Variants in RSPH14 observed in about 807,000 individuals in gnomAD.
RSPH14 encodes the protein rhabdoid tumor deletion region gene 1.
In RSPH14, 20 loss-of-function variants were observed where a neutral mutation model predicts 26.7. The observed-to-expected ratio is 0.75, with a 90% CI of 0.53 to 1.09. RSPH14 has a LOEUF of 1.09. Among genes scored for constraint, RSPH14 ranks in the 50% least tolerant of loss-of-function variants. The probability of loss-of-function intolerance (pLI) is 0.00; values close to 1 mark genes in which losing one functional copy is unlikely to be tolerated. For synonymous variants in RSPH14, 177 were observed against 189.3 expected (o/e 0.93, Z 0.53); for missense variants, 449 against 457.2 (o/e 0.98, Z 0.16).
At chr22:23,111,629 G>A (rs1476254377) in intron 4 of RSPH14, among the ~76,000 whole-genome samples, 1 of 152,260 alleles carries the variant, frequency 6.6e-6, no homozygotes, top group African/African-American at 2.4e-5. Flanking sequence ...TTTTACTGAG[G>A]CAGGAGCTGC....
chr22:23,112,309 G>A (rs552840742), intron 4 of RSPH14, among the ~76,000 whole-genome samples: 3 of 152,328 alleles, frequency 2.0e-5, no homozygotes, highest in African/African-American at 4.8e-5. Flanking sequence ...CTTCGGCCCC[G>A]CCCCAAGCAC....
At chr22:23,064,176 C>G (rs1234795111) in intron 4 of RSPH14, 43 bp from the exon 5 acceptor site, 4 of 1,570,436 alleles carry the variant, frequency 2.5e-6, no homozygotes, top group Admixed American at 1.7e-5. Context: ...TGGCCACACA[C>G]CCACCCACCC....
the RSPH14 span, among the ~76,000 whole-genome samples, chr22:23,174,423 TA>T: frequency 6.6e-6 from 1 of 151,764 alleles, no homozygotes; most frequent in East Asian, 1.9e-4. Context: ...TATAAGTAAA[TA>T]AATAAATAAT....
At chr22:23,180,162 G>A in the RSPH14 span, 3 of 238,174 alleles carry the variant, frequency 1.3e-5, no homozygotes, top group Non-Finnish European at 2.5e-5. Flanking sequence ...CACGCGGCTG[G>A]ACTGGCCGGA....
At chr22:23,109,754 A>C (rs964016336) in intron 4 of RSPH14, among the ~76,000 whole-genome samples, 1 of 152,222 alleles carries the variant, frequency 6.6e-6, no homozygotes, top group Non-Finnish European at 1.5e-5. Flanking sequence ...AGAGGAATGG[A>C]AACAGCTGCC....
chr22:23,110,623 C>T (rs2069617631), intron 4 of RSPH14, among the ~76,000 whole-genome samples: 1 of 152,212 alleles, frequency 6.6e-6, no homozygotes, highest in African/African-American at 2.4e-5. Flanking sequence ...GCTGTGTGCC[C>T]CTGTGGGCAC....
intron 4 of RSPH14, among the ~76,000 whole-genome samples, chr22:23,065,980 T>G (rs1243475317): frequency 6.6e-6 from 1 of 152,152 alleles, no homozygotes; most frequent in Non-Finnish European, 1.5e-5. Context: ...CCTGGCCTCC[T>G]GCTCCCGCTC....
upstream of RSPH14, chr22:23,142,100 AG>A (rs1171389444): frequency 1.1e-6 from 1 of 917,404 alleles, no homozygotes; most frequent in African/African-American, 1.8e-5. Flanking sequence ...AAACAGCCCA[AG>A]GCTGCGGCCG....
chr22:23,148,034 C>A (rs932032052), upstream of RSPH14, among the ~76,000 whole-genome samples: 3 of 152,084 alleles, frequency 2.0e-5, no homozygotes, highest in Non-Finnish European at 4.4e-5. Flanking sequence ...CGGACAGGTG[C>A]AGAGGGATAG....
At chr22:23,156,703 T>C in the RSPH14 span, among the ~76,000 whole-genome samples, 1 of 152,238 alleles carries the variant, frequency 6.6e-6, no homozygotes, top group African/African-American at 2.4e-5. Context: ...ACATTTTCTT[T>C]TAGACTTAAA....
intron 4 of RSPH14, among the ~76,000 whole-genome samples, chr22:23,086,715 A>T (rs1164417389): frequency 6.6e-6 from 1 of 152,240 alleles, no homozygotes; most frequent in Non-Finnish European, 1.5e-5. Flanking sequence ...AGGACACTGG[A>T]CCATGACCAG....
chr22:23,091,789 C>A (rs978864660), intron 4 of RSPH14, among the ~76,000 whole-genome samples: 1 of 152,372 alleles, frequency 6.6e-6, no homozygotes, highest in East Asian at 1.9e-4. Flanking sequence ...CGTCCTGTTT[C>A]TCTTCAGTGA....
the RSPH14 span, among the ~76,000 whole-genome samples, chr22:23,170,594 G>A: frequency 1.3e-5 from 2 of 151,822 alleles, no homozygotes; most frequent in South Asian, 2.1e-4. Context: ...TTAGCCGGGC[G>A]TGGTGGTGAG....
At chr22:23,175,001 T>C in the RSPH14 span, among the ~76,000 whole-genome samples, 2 of 86,168 alleles carry the variant, frequency 2.3e-5, no homozygotes, top group Non-Finnish European at 5.7e-5. Flanking sequence ...AAAAAAAAAA[T>C]TTTTTTTTTT....
chr22:23,073,623 G>C (rs2068431140), intron 4 of RSPH14, among the ~76,000 whole-genome samples: 1 of 152,246 alleles, frequency 6.6e-6, no homozygotes, highest in Non-Finnish European at 1.5e-5. Flanking sequence ...ACACCGCCAG[G>C]GGAGGCGCTT....
At chr22:23,077,826 G>A (rs541467860) in intron 4 of RSPH14, among the ~76,000 whole-genome samples, 3 of 152,160 alleles carry the variant, frequency 2.0e-5, no homozygotes, top group Non-Finnish European at 4.4e-5. Context: ...CCTTCACCCT[G>A]ACCCCAGCAG....
chr22:23,101,922 A>G (rs745575648), intron 4 of RSPH14, among the ~76,000 whole-genome samples: 7 of 152,200 alleles, frequency 4.6e-5, no homozygotes, highest in South Asian at 4.1e-4. Context: ...AGCTGGCCAC[A>G]TGATATCCCC....
chr22:23,146,558 G>A (rs757968552), upstream of RSPH14: 1 of 1,600,982 alleles, frequency 6.2e-7, no homozygotes, highest in Non-Finnish European at 8.5e-7. Context: ...GAATCCCCAG[G>A]TATTTGCACA....
At chr22:23,069,882 G>A (rs762835387) in intron 4 of RSPH14, among the ~76,000 whole-genome samples, 6 of 152,160 alleles carry the variant, frequency 3.9e-5, no homozygotes, top group Non-Finnish European at 7.3e-5. Context: ...AAGGCTGAGA[G>A]AGGTCAGTCG....
Sources: allele counts gnomAD v4.1 joint callset (sites outside exome capture counted in the v4.1 genomes callset), GRCh38; gene constraint gnomAD v4.1.1; transcripts MANE v1.5; gene names NCBI Gene and HGNC (gene_info 2026-07-23, HGNC 2026-07-21).